Variants in GPD2 observed in about 807,000 individuals in gnomAD.
GPD2 encodes glycerol-3-phosphate dehydrogenase 2.
GPD2 carries 54 observed loss-of-function variants against 82.4 expected under a neutral mutation model. The ratio of observed to expected loss-of-function variants is 0.66; its 90% CI spans 0.53 to 0.82. GPD2 has a LOEUF of 0.82. Among genes scored for constraint, GPD2 ranks in the 40% least tolerant of loss-of-function variants. The pLI, the probability that GPD2 is intolerant of heterozygous loss-of-function variation, is 0.00. For missense variants in GPD2, 748 were observed against 896.2 expected, an observed-to-expected ratio of 0.83 and a Z score of 2.11; for synonymous variants, 288 against 306.1, an observed-to-expected ratio of 0.94 and a Z score of 0.62.
intron 1 of GPD2, among the ~76,000 whole-genome samples, chr2:156,439,253 TCTTGTCCACCTTTAACACA>T (rs1271490104): frequency 2.6e-5 from 4 of 152,150 alleles, no homozygotes; most frequent in Admixed American, 2.6e-4. Flanking sequence ...AACTCTTCAT[TCTTGTCCACCTTTAACACA>T]CTTGCTTAAA....
chr2:156,475,539 T>C (rs577554887), intron 1 of GPD2, among the ~76,000 whole-genome samples: 27 of 152,292 alleles, frequency 1.8e-4, no homozygotes, highest in African/African-American at 6.5e-4. Context: ...CAGCCGACTC[T>C]TTCAATAATA....
intron 6 of GPD2, among the ~76,000 whole-genome samples, chr2:156,522,998 C>T (rs937423377): frequency 6.6e-6 from 1 of 151,718 alleles, no homozygotes. Context: ...CTTCCTCTTT[C>T]CCCCCTGCTC....
At chr2:156,458,152 A>G (rs1682850509) in intron 1 of GPD2, among the ~76,000 whole-genome samples, 1 of 152,136 alleles carries the variant, frequency 6.6e-6, no homozygotes, top group Admixed American at 6.5e-5. Flanking sequence ...GCAGGCAAGC[A>G]CTAAATTATC....
At chr2:156,483,742 GAAAC>G (rs562673183) in intron 2 of GPD2, among the ~76,000 whole-genome samples, 57 of 152,252 alleles carry the variant, frequency 3.7e-4, no homozygotes, top group Admixed American at 6.5e-4. Context: ...AGAAAATAAA[GAAAC>G]AATTTAAATT....
intron 1 of GPD2, among the ~76,000 whole-genome samples, chr2:156,467,614 T>A (rs1683193042): frequency 1.3e-5 from 2 of 152,234 alleles, no homozygotes; most frequent in African/African-American, 4.8e-5. Context: ...AAAAGTGTCT[T>A]CTGTTTTCTT....
chr2:156,423,232 G>T, the GPD2 span, among the ~76,000 whole-genome samples: 1 of 152,160 alleles, frequency 6.6e-6, no homozygotes, highest in East Asian at 1.9e-4. Flanking sequence ...ATTTTTATAA[G>T]ATGTACATAA....
chr2:156,429,826 A>G, the GPD2 span, among the ~76,000 whole-genome samples: 2 of 152,164 alleles, frequency 1.3e-5, no homozygotes, highest in Non-Finnish European at 2.9e-5. Context: ...GTAGGTGGAG[A>G]TCTACCAAAT....
At chr2:156,438,141 T>C (rs1355182181) in intron 1 of GPD2, among the ~76,000 whole-genome samples, 1 of 152,196 alleles carries the variant, frequency 6.6e-6, no homozygotes, top group East Asian at 1.9e-4. Flanking sequence ...TAGCTTGTAA[T>C]ACACCCTCAA....
intron 2 of GPD2, among the ~76,000 whole-genome samples, chr2:156,492,736 A>G (rs1315702414): frequency 6.6e-6 from 1 of 152,014 alleles, no homozygotes; most frequent in South Asian, 2.1e-4. Context: ...TAGATATGGA[A>G]ATGTTTTAGA....
At chr2:156,404,767 T>C in the GPD2 span, among the ~76,000 whole-genome samples, 4 of 134,500 alleles carry the variant, frequency 3.0e-5, no homozygotes, top group African/African-American at 1.1e-4. Flanking sequence ...GGCAGGAGAA[T>C]CCCTTGAACC....
intron 1 of GPD2, among the ~76,000 whole-genome samples, chr2:156,459,307 C>T (rs184063522): frequency 4.6e-5 from 7 of 152,106 alleles, no homozygotes; most frequent in Admixed American, 2.0e-4. Context: ...GAGTGACTTA[C>T]GCCTACTGTC....
chr2:156,475,841 C>G (rs972981556), intron 1 of GPD2, among the ~76,000 whole-genome samples: 3 of 152,196 alleles, frequency 2.0e-5, no homozygotes, highest in Admixed American at 6.5e-5. Flanking sequence ...CCTCAGTTAT[C>G]TCTTAATTTG....
intron 2 of GPD2, among the ~76,000 whole-genome samples, chr2:156,492,141 CCCTA>C: frequency 2.0e-5 from 3 of 147,054 alleles, no homozygotes; most frequent in African/African-American, 7.4e-5. Flanking sequence ...GGTATTCCCT[CCCTA>C]CCTTTTTTTT....
chr2:156,452,158 C>A (rs1221103353), intron 1 of GPD2, among the ~76,000 whole-genome samples: 1 of 152,084 alleles, frequency 6.6e-6, no homozygotes, highest in Non-Finnish European at 1.5e-5. Context: ...GGGTGGCGGC[C>A]GGGCAGAGGC....
chr2:156,505,510 T>C (rs955487964), intron 3 of GPD2, among the ~76,000 whole-genome samples: 1 of 152,132 alleles, frequency 6.6e-6, no homozygotes, highest in African/African-American at 2.4e-5. Context: ...TTGCTTTCCA[T>C]AAAAAGTAGC....
chr2:156,452,256 T>C (rs911540439), intron 1 of GPD2, among the ~76,000 whole-genome samples: 1 of 152,228 alleles, frequency 6.6e-6, no homozygotes, highest in African/African-American at 2.4e-5. Context: ...CACTCCAGCC[T>C]GGGCACCATT....
chr2:156,548,645 A>G (rs1006847919), intron 6 of GPD2, among the ~76,000 whole-genome samples: 7 of 152,338 alleles, frequency 4.6e-5, no homozygotes, highest in South Asian at 2.1e-4. Context: ...AACCATTTAT[A>G]CTAAATGTTT....
At chr2:156,409,481 G>T in the GPD2 span, among the ~76,000 whole-genome samples, 9 of 151,724 alleles carry the variant, frequency 5.9e-5, no homozygotes, top group Non-Finnish European at 1.0e-4. Context: ...GGATCTTTCA[G>T]GGCCAGGTGT....
At chr2:156,431,661 C>G (rs1229957083), upstream of GPD2, among the ~76,000 whole-genome samples, 2 of 151,974 alleles carry the variant, frequency 1.3e-5, no homozygotes, top group African/African-American at 2.4e-5. Flanking sequence ...CAAACCCTTT[C>G]AGTGGAATTC....
Sources: allele counts gnomAD v4.1 joint callset (sites outside exome capture counted in the v4.1 genomes callset), GRCh38; gene constraint gnomAD v4.1.1; transcripts MANE v1.5; gene names NCBI Gene and HGNC (gene_info 2026-07-23, HGNC 2026-07-21).